Variants in PIK3CD observed in about 807,000 individuals in gnomAD.
PIK3CD encodes the protein phosphatidylinositol-4,5-bisphosphate 3-kinase catalytic subunit delta.
In PIK3CD, 20 loss-of-function variants were observed where a neutral mutation model predicts 122.9. That is an observed-to-expected ratio of 0.16 (90% CI 0.11 to 0.24). PIK3CD has a LOEUF of 0.24. Among genes scored for constraint, PIK3CD ranks in the 10% least tolerant of loss-of-function variants. PIK3CD has a pLI of 1.00. For missense variants in PIK3CD, 787 were observed against 1,406.3 expected (o/e 0.56, Z 7.04); for synonymous variants, 596 against 593.4 (o/e 1.00, Z -0.06).
chr1:9,696,033 G>A lies in PIK3CD; in HGVS notation c.-33+4462G>A, dbSNP rs111788123. Among the ~76,000 whole-genome samples the A allele has an allele frequency of 9.8e-3, 1,466 of 150,160 alleles. 24 individuals are homozygous for A. The highest frequency in any genetic ancestry group is 0.034 in the African/African-American group (1,365 of 40,688). Reference sequence around the variant, plus strand: ...GTTACCCAGATTGGAGTGCAGCAGTGTGATCATGGCTCACTGCAGCCTCGA... The same window carrying A: ...GTTACCCAGATTGGAGTGCAGCAGTATGATCATGGCTCACTGCAGCCTCGA... On this transcript the variant is annotated intron_variant, in intron 2 of 23. Transcript: ENST00000377346.
At chr1:9,660,458 A>C (rs1406606635) in intron 1 of PIK3CD, among the ~76,000 whole-genome samples, 1 of 152,196 alleles carries the variant, frequency 6.6e-6, no homozygotes, top group East Asian at 1.9e-4. Context: ...GCTCATTAAC[A>C]GTTTTCCACA....
chr1:9,677,643 T>TAA lies in PIK3CD; in HGVS notation c.-137-13803_-137-13802dup, dbSNP rs769155771. 4.8e-3 allele frequency among the ~76,000 whole-genome samples: 437 copies of TAA among 90,410 alleles called. 3 individuals are homozygous for TAA. The highest frequency in any genetic ancestry group is 8.9e-3 in the African/African-American group (216 of 24,394). The allele number at this position is 90,410 out of a possible 152,430, so 59.3% of individuals were successfully genotyped here. On this transcript the variant is annotated intron_variant, in intron 1 of 23. Coordinates refer to ENST00000377346, the MANE Select transcript of PIK3CD (RefSeq NM_005026.5). ...CTGAGTGAAAAAGTGAGACCCTGTC[T>TAA]AAAAAAAAAAAAAAAAAAAAAATTA...
upstream of PIK3CD, among the ~76,000 whole-genome samples, chr1:9,646,782 A>C (rs906783482): frequency 1.3e-5 from 2 of 151,568 alleles, no homozygotes; most frequent in African/African-American, 2.4e-5. Flanking sequence ...GTGAAACCCT[A>C]TCTCTACTAA....
intron 1 of PIK3CD, among the ~76,000 whole-genome samples, chr1:9,678,100 C>T (rs1329813344): frequency 1.3e-5 from 2 of 150,564 alleles, no homozygotes; most frequent in South Asian, 2.1e-4. Flanking sequence ...GCCAAGATCG[C>T]GCCATTGCAG....
the PIK3CD span, among the ~76,000 whole-genome samples, chr1:9,629,949 G>A: frequency 6.6e-6 from 1 of 152,348 alleles, no homozygotes; most frequent in South Asian, 2.1e-4. Context: ...GCGGAGGCCT[G>A]CCTGGGAAGG....
At chr1:9,637,667 C>CA in the PIK3CD span, among the ~76,000 whole-genome samples, 1 of 152,122 alleles carries the variant, frequency 6.6e-6, no homozygotes, top group Non-Finnish European at 1.5e-5. Context: ...TGGCTCCAGG[C>CA]ACTCCTTGGC....
chr1:9,720,791 A>G lies in PIK3CD; in HGVS notation c.1571A>G (p.Tyr524Cys). 6.2e-7 allele frequency: 1 copy of G among 1,612,940 alleles called. No individual in the cohort carries two copies. Among genetic ancestry groups the G allele is most frequent in the Non-Finnish European group, 8.5e-7 (1 of 1,179,758 alleles). The change falls in exon 13 of 24, where the codon TAT (tyrosine) becomes TGT (cysteine). Residue 524 changes from tyrosine to cysteine, a missense_variant. Transcript: ENST00000377346. This position sits in a 1 kb window ranked among gnomAD's most constrained non-coding sequence, Gnocchi z 9.0. ...ILERRGSGEL[Y>C]EHEKDLVWKL... ...GAGCGGCGGGGGTCTGGGGAGCTGT[A>G]TGAGCACGAGAAGGACCTGGTGTGG...
chr1:9,629,962 G>GC, the PIK3CD span, among the ~76,000 whole-genome samples: 1 of 152,250 alleles, frequency 6.6e-6, no homozygotes, highest in Admixed American at 6.5e-5. Flanking sequence ...TGGGAAGGAA[G>GC]CCCGGGGGTC....
At chr1:9,725,629 A>G (rs1191682686) in intron 23 of PIK3CD, among the ~76,000 whole-genome samples, 2 of 152,128 alleles carry the variant, frequency 1.3e-5, no homozygotes, top group Admixed American at 6.6e-5. Flanking sequence ...CTGTAATCCC[A>G]GCACTTTGGG....
chr1:9,725,745 C>T (rs1287396380), intron 23 of PIK3CD, among the ~76,000 whole-genome samples: 4 of 151,218 alleles, frequency 2.6e-5, no homozygotes, highest in Non-Finnish European at 5.9e-5. Context: ...GGTGTGGTGG[C>T]ACGCACCTGT....
chr1:9,627,740 G>T, the PIK3CD span, among the ~76,000 whole-genome samples: 2 of 152,206 alleles, frequency 1.3e-5, no homozygotes, highest in Non-Finnish European at 2.9e-5. Context: ...CCTTATCGCG[G>T]CCACCTTCCC....
chr1:9,711,600 G>T (rs894338027), intron 3 of PIK3CD, among the ~76,000 whole-genome samples: 1 of 151,842 alleles, frequency 6.6e-6, no homozygotes, highest in African/African-American at 2.4e-5. Flanking sequence ...TTGAGATGGG[G>T]TCTCACTCTG....
rs539119855 is a variant in PIK3CD, at chr1:9,723,093, C to T, written c.2427-32C>T. ...GCCTCAGGGACAGCCCTTGACCATG[C>T]CATTTGCCCGTCCCTCTTCCCCCTT... On this transcript the variant is annotated intron_variant, in intron 19 of 23. Coordinates refer to ENST00000377346, the MANE Select transcript of PIK3CD (RefSeq NM_005026.5). The surrounding 1 kb of genome is among the most constrained non-coding windows in gnomAD (Gnocchi z 4.9). The T allele has an allele frequency of 3.1e-6, 5 of 1,610,518 alleles. No homozygotes were observed. Among genetic ancestry groups the T allele is most frequent in the East Asian group, 4.5e-5 (2 of 44,848 alleles).
chr1:9,728,804 T>TAAGTCATTTCATGTTTCTGTCTGGG lies in PIK3CD; in HGVS notation c.*1759_*1783dup, dbSNP rs1650106337. ...GCGAGAAGAATATTTTCTATTTTTTTAAGTCATTTCATGTTTCTGTCTGGG... is the reference window on the plus strand; with the variant it reads ...GCGAGAAGAATATTTTCTATTTTTTTAAGTCATTTCATGTTTCTGTCTGGGAAGTCATTTCATGTTTCTGTCTGGG... On this transcript the variant is annotated 3_prime_UTR_variant, in exon 24 of 24. Transcript: ENST00000377346. The TAAGTCATTTCATGTTTCTGTCTGGG allele has an allele frequency of 6.6e-6, 1 of 152,264 alleles. No individual in the cohort carries two copies. The highest frequency in any genetic ancestry group is 2.4e-5 in the African/African-American group (1 of 41,466). The allele number at this position is 152,264 out of a possible 1,614,324, so 9.4% of individuals were successfully genotyped here.
chr1:9,724,235 G>A lies in PIK3CD; in HGVS notation c.2719-41G>A. On this transcript the variant is annotated intron_variant, in intron 21 of 23. Transcript: ENST00000377346. This position sits in a 1 kb window ranked among gnomAD's most constrained non-coding sequence, Gnocchi z 7.3. ...GTCTCCCCTGGATTCTCTCCTGTCT[G>A]ACACCTTCTCAATCCTCCCCCTCCT... is the stretch of plus-strand genomic sequence containing the variant. 2 of 1,613,458 alleles carry A rather than the reference G, an allele frequency of 1.2e-6. No individual in the cohort carries two copies. Among genetic ancestry groups the A allele is most frequent in the Non-Finnish European group, 1.7e-6 (2 of 1,179,888 alleles).
chr1:9,714,407 C>A (rs527679080), intron 3 of PIK3CD, among the ~76,000 whole-genome samples: 1 of 152,280 alleles, frequency 6.6e-6, no homozygotes, highest in African/African-American at 2.4e-5. Flanking sequence ...AGAGGCGTGG[C>A]TTTTTGGGGT....
chr1:9,646,980 G>A (rs1225762580), upstream of PIK3CD, among the ~76,000 whole-genome samples: 18 of 151,554 alleles, frequency 1.2e-4, no homozygotes, highest in Admixed American at 9.9e-4. Flanking sequence ...GCATGGTGGC[G>A]GGCGCCTGTA....
chr1:9,698,465 T>C (rs917156641), intron 2 of PIK3CD, among the ~76,000 whole-genome samples: 5 of 152,240 alleles, frequency 3.3e-5, no homozygotes. Context: ...TAAAATGCTT[T>C]ATCAACAAGC....
intron 3 of PIK3CD, among the ~76,000 whole-genome samples, chr1:9,714,890 G>C (rs1489900140): frequency 6.6e-6 from 1 of 152,154 alleles, no homozygotes; most frequent in African/African-American, 2.4e-5. Flanking sequence ...AATCAGGGTT[G>C]CCAGGCGCAG....
Sources: allele counts gnomAD v4.1 joint callset (sites outside exome capture counted in the v4.1 genomes callset), GRCh38; gene constraint gnomAD v4.1.1; non-coding constraint Gnocchi (gnomAD v3.1); transcripts MANE v1.5; gene names NCBI Gene and HGNC (gene_info 2026-07-23, HGNC 2026-07-21).